CATSPERB: variants seen among roughly 807,000 people sequenced by gnomAD.
CATSPERB encodes cation channel sperm-associated auxiliary subunit beta.
In CATSPERB, 93 loss-of-function variants were observed where a neutral mutation model predicts 128.3. The ratio of observed to expected loss-of-function variants is 0.72; its 90% CI spans 0.61 to 0.86. CATSPERB has a LOEUF of 0.86. Among genes scored for constraint, CATSPERB ranks in the 40% least tolerant of loss-of-function variants. The pLI is 0.00. For missense variants in CATSPERB, 1,153 were observed against 1,329.5 expected (o/e 0.87, Z 2.06); for synonymous variants, 381 against 448.8 (o/e 0.85, Z 1.91).
At chr14:91,590,086 G>A (rs1057289091) in intron 23 of CATSPERB, among the ~76,000 whole-genome samples, 1 of 152,142 alleles carries the variant, frequency 6.6e-6, no homozygotes. Flanking sequence ...TTAATAATGC[G>A]ATCTTTGACA....
At chr14:91,641,062 C>T (rs201319830) in intron 15 of CATSPERB, among the ~76,000 whole-genome samples, 26,631 of 108,924 alleles carry the variant, frequency 0.24, 3,681 homozygotes, top group Admixed American at 0.41. Flanking sequence ...TCATGTCCTT[C>T]GCCCACTTTT....
chr14:91,621,808 G>A lies in CATSPERB; in HGVS notation c.2060C>T (p.Ala687Val). Residue 687 changes from alanine (A) to valine (V), a missense_variant, in exon 19 of 27, where the codon GCA becomes GTA. By Grantham distance (64) the Ala-to-Val change is moderately conservative (BLOSUM62 0). Transcript: ENST00000256343. Reference sequence around the variant, plus strand: ...CTTTAGAAAGGTCATATTGTTGGGTGCACTTTCAGGCATGGTAGCAATGGC... The same window carrying A: ...CTTTAGAAAGGTCATATTGTTGGGTACACTTTCAGGCATGGTAGCAATGGC... ...ALAIATMPESAPNNMTFLKST... is the reference protein window; with the variant it reads ...ALAIATMPESVPNNMTFLKST... 8.1e-6 allele frequency: 13 copies of A among 1,614,136 alleles called. No individual in the cohort carries two copies. The highest frequency in any genetic ancestry group is 1.1e-5 in the South Asian group (1 of 91,080).
chr14:91,604,342 G>T, intron 22 of CATSPERB: 1 of 788,140 alleles, frequency 1.3e-6, no homozygotes, highest in South Asian at 1.4e-5. Context: ...GGGAGGAGGG[G>T]AGAGGAAGGA....
chr14:91,606,615 A>C (rs952169902), intron 22 of CATSPERB, among the ~76,000 whole-genome samples: 3 of 152,252 alleles, frequency 2.0e-5, no homozygotes, highest in Admixed American at 1.3e-4. Context: ...CAGGATATGC[A>C]GGGCCGTACT....
intron 15 of CATSPERB, among the ~76,000 whole-genome samples, chr14:91,656,270 C>T (rs1894785497): frequency 6.6e-6 from 1 of 152,080 alleles, no homozygotes; most frequent in African/African-American, 2.4e-5. Flanking sequence ...ATAGTAAGTA[C>T]ACAGAAACAC....
At chr14:91,701,016 T>C (rs182751493) in intron 7 of CATSPERB, among the ~76,000 whole-genome samples, 2 of 152,202 alleles carry the variant, frequency 1.3e-5, no homozygotes, top group Non-Finnish European at 2.9e-5. Context: ...AATATTGCCA[T>C]AGGAGTAAGA....
At chr14:91,646,754 A>C (rs2139811742) in intron 15 of CATSPERB, among the ~76,000 whole-genome samples, 1 of 152,368 alleles carries the variant, frequency 6.6e-6, no homozygotes, top group South Asian at 2.1e-4. Context: ...GTCTAGACTA[A>C]TTCAGCCCTC....
Position 91,683,868 on chromosome 14 carries a change from A to G in CATSPERB, c.931+9T>C. Reference sequence around the variant, plus strand: ...CTCTTAATACAGTATATCTTTAACCAAAATTTACCTTCAAAGTGCTCTCTG... The same window carrying G: ...CTCTTAATACAGTATATCTTTAACCGAAATTTACCTTCAAAGTGCTCTCTG... On this transcript the variant is annotated intron_variant, in intron 11 of 26. Transcript: ENST00000256343. 6.3e-7 allele frequency: 1 copy of G among 1,588,070 alleles called. No homozygotes were observed. The highest frequency in any genetic ancestry group is 8.6e-7 in the Non-Finnish European group (1 of 1,164,972).
At chr14:91,672,581 T>C (rs1229760629) in intron 13 of CATSPERB, among the ~76,000 whole-genome samples, 1 of 152,232 alleles carries the variant, frequency 6.6e-6, no homozygotes, top group Non-Finnish European at 1.5e-5. Flanking sequence ...TTTTATGGAA[T>C]CTTAAATTTG....
chr14:91,676,077 C>A (rs768242406), intron 11 of CATSPERB, among the ~76,000 whole-genome samples: 1 of 152,160 alleles, frequency 6.6e-6, no homozygotes. Context: ...TGCAGCAGGA[C>A]CTGAACTTAG....
chr14:91,625,788 A>C (rs1894148022), intron 17 of CATSPERB, among the ~76,000 whole-genome samples: 1 of 152,208 alleles, frequency 6.6e-6, no homozygotes, highest in Non-Finnish European at 1.5e-5. Flanking sequence ...GCATATCCAC[A>C]TGCAAAAAAT....
At chr14:91,643,923 A>G (rs1368518975) in intron 15 of CATSPERB, among the ~76,000 whole-genome samples, 6 of 129,692 alleles carry the variant, frequency 4.6e-5, no homozygotes, top group East Asian at 2.2e-4. Context: ...ATTTAGGATA[A>G]TTAGCTCTTC....
At chr14:91,638,573 A>T (rs1894424977) in intron 16 of CATSPERB, among the ~76,000 whole-genome samples, 1 of 152,112 alleles carries the variant, frequency 6.6e-6, no homozygotes, top group African/African-American at 2.4e-5. Flanking sequence ...GATGAATGCC[A>T]CCACACCAGG....
In CATSPERB at chr14:91,714,945, T is replaced by C. The variant is rs12588162; in HGVS notation, c.370+4473A>G. ...TCAAACTGCATTCTCTCCCTCTTCC[T>C]CTACCACAGGAAGAGAAGAATGATC... is the stretch of plus-strand genomic sequence containing the variant. On this transcript the variant is annotated intron_variant, in intron 5 of 26. Coordinates refer to ENST00000256343, the MANE Select transcript of CATSPERB (RefSeq NM_024764.4). 8.9e-4 allele frequency: 137 copies of C among 153,178 alleles called. 2 individuals carry two copies. The East Asian group carries it at 0.022, about 24-fold the overall frequency. 9.5% of individuals were successfully genotyped at this position (153,178 alleles called of 1,614,324 possible). A position where few individuals can be genotyped will look rare whatever the true frequency, so the allele number is the denominator to read the frequency against.
intron 14 of CATSPERB, 99 bp from the exon 15 acceptor site, chr14:91,660,080 T>C: frequency 1.1e-6 from 1 of 945,072 alleles, no homozygotes; most frequent in Non-Finnish European, 1.6e-6. Flanking sequence ...GGCATGATCT[T>C]TTCCATATGC....
intron 21 of CATSPERB, among the ~76,000 whole-genome samples, chr14:91,609,577 TTG>T (rs1366568674): frequency 1.3e-5 from 2 of 152,184 alleles, no homozygotes; most frequent in African/African-American, 4.8e-5. Context: ...CTATCTGTGT[TTG>T]TGTGTGTAAG....
rs1893411687 is a variant in CATSPERB, at chr14:91,591,923, T to C, written c.2789A>G (p.His930Arg). The C allele has an allele frequency of 9.3e-6, 15 of 1,613,726 alleles. No individual in the cohort carries two copies. The highest frequency in any genetic ancestry group is 1.3e-5 in the African/African-American group (1 of 74,914). ...CCTGCAATCCGAGAAAGCAACAGCA[T>C]GTGAAAACTTCTGATCCTTTGTGCA... is the stretch of plus-strand genomic sequence containing the variant. ...CNCTKDQKFS[H>R]AVAFSDCREK... The change falls in exon 23 of 27, where the codon CAT becomes CGT. Residue 930 changes from histidine (H) to arginine (R), a missense_variant. Physicochemically the swap from His to Arg is conservative, Grantham distance 29. Coordinates refer to ENST00000256343, the MANE Select transcript of CATSPERB (RefSeq NM_024764.4).
intron 20 of CATSPERB, among the ~76,000 whole-genome samples, chr14:91,616,766 A>T (rs1893946386): frequency 9.4e-6 from 1 of 106,110 alleles, no homozygotes; most frequent in Non-Finnish European, 1.8e-5. Flanking sequence ...TTTGAGACAG[A>T]GTTTCACTCT....
chr14:91,631,199 T>C (rs1432097970), intron 17 of CATSPERB, among the ~76,000 whole-genome samples: 1 of 152,258 alleles, frequency 6.6e-6, no homozygotes, highest in African/African-American at 2.4e-5. Flanking sequence ...CTTGTCTATC[T>C]TGTTTACCAC....
Sources: allele counts gnomAD v4.1 joint callset (sites outside exome capture counted in the v4.1 genomes callset), GRCh38; gene constraint gnomAD v4.1.1; transcripts MANE v1.5; gene names NCBI Gene and HGNC (gene_info 2026-07-23, HGNC 2026-07-21).